DLC1: variants seen among roughly 807,000 people sequenced by gnomAD.
DLC1 encodes the protein DLC1 Rho GTPase activating protein, also known as rho GTPase-activating protein 7.
A neutral mutation model predicts 140.3 loss-of-function variants in DLC1; 54 were observed. The ratio of observed to expected loss-of-function variants is 0.38; its 90% CI spans 0.31 to 0.48. The LOEUF (loss-of-function observed/expected upper bound fraction) is 0.48. DLC1 is among the 20% of genes least tolerant of loss of function. DLC1 has a pLI of 0.96. For synonymous variants in DLC1, 986 were observed against 728.1 expected (o/e 1.35, Z -5.70); for missense variants, 2,536 against 1,907.0 (o/e 1.33, Z -6.14).
Position 13,553,224 on chromosome 8 carries a change from A to ATG in DLC1, c.-126+51312_-126+51313insCA, listed in dbSNP as rs1324213234. Among the ~76,000 whole-genome samples, 560 of 61,948 alleles carry ATG rather than the reference A, an allele frequency of 9.0e-3. 3 individuals carry two copies. The highest frequency in any genetic ancestry group is 0.015 in the African/African-American group (205 of 13,866). The allele number at this position is 61,948 out of a possible 152,430, so 40.6% of individuals were successfully genotyped here. ...CTGTCATATATATATATATATATAT[A>ATG]TATGTATATATATATATATATATAT... On this transcript the variant is annotated intron_variant, in intron 1 of 1. Coordinates refer to the DLC1 transcript ENST00000631382.
At position 13,306,983 on chromosome 8, in the gene DLC1, C is replaced by T. The variant is rs184141337; in HGVS notation, c.1315-1681G>A. ...CCCGTAATCCCAGCTACTCAGGAGG[C>T]TGAGGCAGGAGAACCTCTTGAACCC... On this transcript the variant is annotated intron_variant, in intron 4 of 17. Coordinates refer to ENST00000276297, the MANE Select transcript of DLC1 (RefSeq NM_182643.3). Among the ~76,000 whole-genome samples the T allele has an allele frequency of 4.8e-3, 696 of 145,514 alleles. 1 individual carries two copies. The highest frequency in any genetic ancestry group is 8.3e-3 in the Non-Finnish European group (553 of 67,000).
intron 1 of DLC1, among the ~76,000 whole-genome samples, chr8:13,508,130 G>A (rs994218475): frequency 6.6e-6 from 1 of 152,154 alleles, no homozygotes; most frequent in African/African-American, 2.4e-5. Flanking sequence ...TTACGTCCAG[G>A]TTGCTGCTAT....
chr8:13,188,801 GTATATATATATATATA>G (rs1237501850), intron 5 of DLC1, among the ~76,000 whole-genome samples: 102 of 71,880 alleles, frequency 1.4e-3, no homozygotes, highest in African/African-American at 6.2e-3. Flanking sequence ...GTGTGTGTGT[GTATATATATATATATA>G]TATATATATG....
chr8:13,344,849 G>A (rs1271548775), intron 4 of DLC1, among the ~76,000 whole-genome samples: 1 of 152,190 alleles, frequency 6.6e-6, no homozygotes, highest in Non-Finnish European at 1.5e-5. Context: ...AGTATAATTT[G>A]CATGTAGTGT....
intron 4 of DLC1, among the ~76,000 whole-genome samples, chr8:13,338,973 C>T (rs908846434): frequency 3.3e-5 from 5 of 152,146 alleles, no homozygotes; most frequent in African/African-American, 1.2e-4. Context: ...ATAAAACACA[C>T]ATACTGATTT....
In DLC1 at chr8:13,246,658, CT is replaced by C. The variant is rs570540726; in HGVS notation, c.1348+58610del. 2.3e-3 allele frequency among the ~76,000 whole-genome samples: 339 copies of C among 145,818 alleles called. 4 individuals are homozygous for C. In the East Asian group the frequency reaches 0.03, roughly 13 times the overall value. On this transcript the variant is annotated intron_variant, in intron 5 of 17. Coordinates refer to ENST00000276297, the MANE Select transcript of DLC1 (RefSeq NM_182643.3). ...CTACAAAGGTATAGTACGACAAATGCTTTTTTTTTTTTCTACGCGACCACAT... is the reference window on the plus strand; with the variant it reads ...CTACAAAGGTATAGTACGACAAATGCTTTTTTTTTTTCTACGCGACCACAT...
chr8:13,245,380 A>G (rs191102878), intron 5 of DLC1, among the ~76,000 whole-genome samples: 31 of 152,334 alleles, frequency 2.0e-4, no homozygotes, highest in Admixed American at 1.8e-3. Flanking sequence ...GCCTATCCCA[A>G]TTCTGACCCA....
chr8:13,381,789 T>A (rs1294081273), intron 4 of DLC1, among the ~76,000 whole-genome samples: 2 of 152,142 alleles, frequency 1.3e-5, no homozygotes, highest in Non-Finnish European at 2.9e-5. Context: ...TAATAGATGA[T>A]CAGTACTGTT....
intron 5 of DLC1, among the ~76,000 whole-genome samples, chr8:13,190,260 G>A (rs916944990): frequency 6.6e-6 from 1 of 152,090 alleles, no homozygotes; most frequent in African/African-American, 2.4e-5. Context: ...GGCCACGAGT[G>A]GCTGTGGCTA....
chr8:13,309,236 T>C (rs570440768), intron 4 of DLC1, among the ~76,000 whole-genome samples: 3 of 152,182 alleles, frequency 2.0e-5, no homozygotes, highest in Non-Finnish European at 4.4e-5. Flanking sequence ...GTAACTTATA[T>C]ATTTTTTTCT....
chr8:13,154,333 C>A (rs1198603078), intron 5 of DLC1, among the ~76,000 whole-genome samples: 1 of 152,216 alleles, frequency 6.6e-6, no homozygotes, highest in Non-Finnish European at 1.5e-5. Flanking sequence ...AGGTCGGGAG[C>A]CCTGCCCTGC....
intron 2 of DLC1, among the ~76,000 whole-genome samples, chr8:13,476,515 A>G (rs1352931265): frequency 6.7e-6 from 1 of 149,280 alleles, no homozygotes; most frequent in Non-Finnish European, 1.5e-5. Flanking sequence ...CATGTAATTT[A>G]TCACCTAACT....
intron 4 of DLC1, among the ~76,000 whole-genome samples, chr8:13,315,470 T>A (rs531345207): frequency 2.0e-3 from 310 of 152,342 alleles, no homozygotes; most frequent in Middle Eastern, 6.8e-3. Context: ...CTGAGGTACA[T>A]GTCTGAATCT....
intron 4 of DLC1, chr8:13,339,843 C>G (rs925240676): frequency 6.6e-6 from 1 of 152,142 alleles, no homozygotes; most frequent in Non-Finnish European, 1.5e-5. Flanking sequence ...GTATTCATTT[C>G]TTTCTTCTTT....
At chr8:13,432,930 G>A (rs1375967873) in intron 2 of DLC1, among the ~76,000 whole-genome samples, 1 of 148,938 alleles carries the variant, frequency 6.7e-6, no homozygotes. Context: ...GCTGGAGGAG[G>A]TTCCTCTCTT....
In DLC1 at chr8:13,561,241, T is replaced by G. The variant is rs115373581; in HGVS notation, c.-126+43296A>C. Among the ~76,000 whole-genome samples, 502 of 152,000 alleles carry G rather than the reference T, an allele frequency of 3.3e-3. 3 individuals are homozygous for G. The highest frequency in any genetic ancestry group is 0.012 in the African/African-American group (485 of 41,466). On this transcript the variant is annotated intron_variant, in intron 1 of 1. Coordinates refer to the DLC1 transcript ENST00000631382. ...GACCAGCAATCCTCCTGCCTCAGCC[T>G]CCTCAGTAGCTAGGACTAGAGGTGC...
chr8:13,501,141 T>C (rs995763298), intron 1 of DLC1, among the ~76,000 whole-genome samples: 1 of 152,224 alleles, frequency 6.6e-6, no homozygotes, highest in Non-Finnish European at 1.5e-5. Flanking sequence ...CAATTGGGAC[T>C]ATTCTTCAGA....
chr8:13,173,804 C>A (rs1339946791), intron 5 of DLC1, among the ~76,000 whole-genome samples: 1 of 152,170 alleles, frequency 6.6e-6, no homozygotes, highest in African/African-American at 2.4e-5. Flanking sequence ...TACTAATTTA[C>A]CTGGCCCATG....
chr8:13,604,331 T>C (rs1805978659), intron 1 of DLC1, among the ~76,000 whole-genome samples: 1 of 152,166 alleles, frequency 6.6e-6, no homozygotes, highest in African/African-American at 2.4e-5. Context: ...TCAATCAATG[T>C]CAGACAGTGA....
Sources: gnomAD v4.1 joint callset for allele counts (sites outside exome capture counted in the v4.1 genomes callset) on GRCh38, gnomAD v4.1.1 for gene constraint, MANE v1.5 for transcripts, NCBI Gene and HGNC (gene_info 2026-07-23, HGNC 2026-07-21) for gene names.